Variants in UNC93A observed in about 807,000 individuals in gnomAD.
UNC93A encodes the protein N-acetylglucosamine transporter UNC93A.
UNC93A carries 43 observed loss-of-function variants against 47.5 expected under a neutral mutation model. That is an observed-to-expected ratio of 0.91 (90% CI 0.71 to 1.17). UNC93A has a LOEUF of 1.17. UNC93A is among the 50% of genes most tolerant of loss of function. UNC93A has a pLI of 0.00. For synonymous variants in UNC93A, 280 were observed against 258.0 expected, an observed-to-expected ratio of 1.09 and a Z score of -0.82; for missense variants, 605 against 577.6, an observed-to-expected ratio of 1.05 and a Z score of -0.49.
At position 167,302,487 on chromosome 6, in the gene UNC93A, C is replaced by A. The variant is rs185032022; in HGVS notation, c.626-1432C>A. On this transcript the variant is annotated intron_variant, in intron 4 of 7. Coordinates refer to ENST00000230256, the MANE Select transcript of UNC93A (RefSeq NM_018974.4). ...CCCCAAACACTGTGTATCATTACCA[C>A]TGCCAGGTGGGAGGAAAACAGTGGA... is the stretch of plus-strand genomic sequence containing the variant. Among the ~76,000 whole-genome samples the A allele has an allele frequency of 2.0e-5, 3 of 152,268 alleles. No homozygotes were observed. In the East Asian group the frequency reaches 5.8e-4, roughly 29 times the overall value.
At chr6:167,305,169 A>G (rs914719813) in intron 5 of UNC93A, among the ~76,000 whole-genome samples, 4 of 152,182 alleles carry the variant, frequency 2.6e-5, no homozygotes, top group African/African-American at 4.8e-5. Context: ...GTAGAATTTG[A>G]ATTTCAGATA....
intron 5 of UNC93A, among the ~76,000 whole-genome samples, chr6:167,305,085 G>A (rs760883834): frequency 7.1e-5 from 10 of 140,328 alleles, no homozygotes; most frequent in African/African-American, 1.1e-4. Flanking sequence ...CTCTCCTTCC[G>A]GAGGAAACTT....
At chr6:167,298,832 G>A (rs1438481546) in intron 4 of UNC93A, among the ~76,000 whole-genome samples, 2 of 147,774 alleles carry the variant, frequency 1.4e-5, no homozygotes, top group African/African-American at 4.9e-5. Context: ...TTTTTTTTTT[G>A]GCTGGGCATG....
chr6:167,307,685 T>C, intron 6 of UNC93A, 94 bp from the exon 7 acceptor site: 14 of 1,488,822 alleles, frequency 9.4e-6, no homozygotes, highest in African/African-American at 1.4e-5. Flanking sequence ...AGAGGACGGT[T>C]GAGATGGTTG....
intron 1 of UNC93A, among the ~76,000 whole-genome samples, chr6:167,294,283 C>T (rs967124281): frequency 6.6e-6 from 1 of 152,206 alleles, no homozygotes; most frequent in Non-Finnish European, 1.5e-5. Flanking sequence ...CAAGCACTCA[C>T]AGGGGTGCCG....
At position 167,303,975 on chromosome 6, in the gene UNC93A, G is replaced by T. The variant is rs766547782; in HGVS notation, c.682G>T (p.Val228Phe). The change falls in exon 5 of 8, where the codon GTT becomes TTT. Residue 228 changes from valine to phenylalanine, a missense_variant. Transcript: ENST00000230256. ...IAAFLQPIRD[V>F]QRESEGEKKS... Reference sequence around the variant, plus strand: ...TGCGTTCCTCCAACCCATACGAGATGTTCAGCGGGAAAGTGAAGGAGAGAA... The same window carrying T: ...TGCGTTCCTCCAACCCATACGAGATTTTCAGCGGGAAAGTGAAGGAGAGAA... 8.1e-6 allele frequency: 13 copies of T among 1,613,614 alleles called. No individual in the cohort carries two copies. In the Admixed American group the frequency reaches 2.2e-4, roughly 27 times the overall value.
At chr6:167,292,053 G>A (rs1783853636) in intron 1 of UNC93A, among the ~76,000 whole-genome samples, 1 of 152,120 alleles carries the variant, frequency 6.6e-6, no homozygotes, top group East Asian at 1.9e-4. Flanking sequence ...ACTCCTTATG[G>A]CATGCTCTCC....
At chr6:167,310,520 A>G (rs1778528039) in intron 7 of UNC93A, among the ~76,000 whole-genome samples, 1 of 152,292 alleles carries the variant, frequency 6.6e-6, no homozygotes, top group African/African-American at 2.4e-5. Flanking sequence ...CCCTTTAATA[A>G]GGGATGCTAA....
At chr6:167,297,079 C>T (rs952238931) in intron 3 of UNC93A, among the ~76,000 whole-genome samples, 4 of 152,216 alleles carry the variant, frequency 2.6e-5, no homozygotes, top group Non-Finnish European at 5.9e-5. Flanking sequence ...GCAATTTTTA[C>T]TCATTATTGC....
upstream of UNC93A, among the ~76,000 whole-genome samples, chr6:167,269,247 G>T (rs1783415278): frequency 6.6e-6 from 1 of 152,228 alleles, no homozygotes; most frequent in Non-Finnish European, 1.5e-5. Flanking sequence ...TCATGGCTCT[G>T]TGCTGAGGGA....
At chr6:167,287,871 CAGGG>C (rs1783768533), upstream of UNC93A, among the ~76,000 whole-genome samples, 1 of 152,124 alleles carries the variant, frequency 6.6e-6, no homozygotes, top group Admixed American at 6.5e-5. Context: ...GCCGCCCTGA[CAGGG>C]AGAGTGGAAG....
In UNC93A at chr6:167,298,003, C is replaced by T. The variant is rs1191884539; in HGVS notation, c.558C>T (p.Thr186=). 6.2e-7 allele frequency: 1 copy of T among 1,613,988 alleles called. No individual in the cohort carries two copies. The highest frequency in any genetic ancestry group is 8.5e-7 in the Non-Finnish European group (1 of 1,180,036). ...GGGCCAGTGACTGCCTGATGGCCACCACAACCACCAACAGCACCCAGAGGC... is the reference window on the plus strand; with the variant it reads ...GGGCCAGTGACTGCCTGATGGCCACTACAACCACCAACAGCACCCAGAGGC... ...SCGASDCLMA[T]TTTNSTQRPS... The change falls in exon 4 of 8, where the codon ACC becomes ACT. Residue 186 remains threonine (T), a synonymous_variant. Coordinates refer to ENST00000230256, the MANE Select transcript of UNC93A (RefSeq NM_018974.4).
intron 7 of UNC93A, among the ~76,000 whole-genome samples, chr6:167,309,876 C>T (rs2235200): frequency 0.28 from 42,658 of 151,564 alleles, 6,288 homozygotes; most frequent in East Asian, 0.53. Flanking sequence ...CACCAAAATG[C>T]GTGTGTACTT....
chr6:167,270,046 C>CGGGGTGGGGGTG (rs555048330), upstream of UNC93A, among the ~76,000 whole-genome samples: 13 of 38,018 alleles, frequency 3.4e-4, no homozygotes, highest in Non-Finnish European at 5.1e-4. Flanking sequence ...AGAGGCTGCA[C>CGGGGTGGGGGTG]GGGGTGGGGG....
upstream of UNC93A, among the ~76,000 whole-genome samples, chr6:167,289,559 G>T (rs1562346183): frequency 1.3e-5 from 2 of 152,112 alleles, no homozygotes; most frequent in Non-Finnish European, 2.9e-5. Flanking sequence ...AACAGACCAG[G>T]TTTATTTGTG....
intron 6 of UNC93A, among the ~76,000 whole-genome samples, chr6:167,307,515 C>T (rs1177996304): frequency 1.4e-5 from 1 of 70,950 alleles, no homozygotes; most frequent in African/African-American, 7.9e-5. Context: ...GAGACGGTTC[C>T]AGAGGACAAT....
intron 1 of UNC93A, among the ~76,000 whole-genome samples, chr6:167,280,908 A>G (rs1295201250): frequency 6.6e-6 from 1 of 152,198 alleles, no homozygotes; most frequent in East Asian, 1.9e-4. Flanking sequence ...AAAAAGGAGT[A>G]CAAATTTATC....
Position 167,296,168 on chromosome 6 carries a change from C to G in UNC93A, c.406C>G (p.Gln136Glu). ...AGKRGKDMVN[Q>E]YFGIFFLIFQ... ...AAAGCGTGGCAAAGACATGGTGAAC[C>G]AGTATTTTGGCATCTTCTTCCTCAT... Residue 136 changes from glutamine to glutamate, a missense_variant, in exon 3 of 8, where the codon CAG becomes GAG. Physicochemically the swap from Gln to Glu is conservative, Grantham distance 29 (BLOSUM62 2). Coordinates refer to ENST00000230256, the MANE Select transcript of UNC93A (RefSeq NM_018974.4). The G allele has an allele frequency of 6.2e-7, 1 of 1,614,214 alleles. No individual in the cohort carries two copies. The highest frequency in any genetic ancestry group is 1.1e-5 in the South Asian group (1 of 91,082).
At chr6:167,291,234 A>G, upstream of UNC93A, 1 of 360,602 alleles carries the variant, frequency 2.8e-6, no homozygotes, top group Non-Finnish European at 5.0e-6. Context: ...CCCCATACAA[A>G]GTGGACATTG....
Sources: gnomAD v4.1 joint callset for allele counts (sites outside exome capture counted in the v4.1 genomes callset) on GRCh38, gnomAD v4.1.1 for gene constraint, MANE v1.5 for transcripts, NCBI Gene and HGNC (gene_info 2026-07-23, HGNC 2026-07-21) for gene names.